Variants in IL17RD observed in about 807,000 individuals in gnomAD.
The protein encoded by IL17RD is interleukin 17 receptor D, also known as interleukin-17 receptor D.
Under a neutral mutation model 80.5 loss-of-function variants are expected in IL17RD, and 52 were observed. That is an observed-to-expected ratio of 0.65 (90% CI 0.52 to 0.81). IL17RD has a LOEUF of 0.81. Among genes scored for constraint, IL17RD ranks in the 40% least tolerant of loss-of-function variants. The probability of loss-of-function intolerance (pLI) is 0.00; values close to 1 mark genes in which losing one functional copy is unlikely to be tolerated. For synonymous variants in IL17RD, 416 were observed against 391.8 expected (o/e 1.06, Z -0.73); for missense variants, 1,024 against 955.1 (o/e 1.07, Z -0.95).
Position 57,097,584 on chromosome 3 carries a change from A to C in IL17RD, c.2107+12T>G, listed in dbSNP as rs376606429. On this transcript the variant is annotated intron_variant, in intron 12 of 12. Coordinates refer to ENST00000296318, the MANE Select transcript of IL17RD (RefSeq NM_017563.5). ...TGCGGCCTGTTAGGACCCGGCCCCA[A>C]AGGCACCTTACCCAGGCCTGAAGAG... The C allele has an allele frequency of 1.3e-6, 2 of 1,561,088 alleles. No homozygotes were observed. Among genetic ancestry groups the C allele is most frequent in the Non-Finnish European group, 8.7e-7 (1 of 1,152,162 alleles).
intron 1 of IL17RD, among the ~76,000 whole-genome samples, chr3:57,145,817 T>A (rs1707913200): frequency 6.6e-6 from 1 of 152,226 alleles, no homozygotes; most frequent in Non-Finnish European, 1.5e-5. Context: ...ATGGGTCACC[T>A]GCCCTGTCCA....
Position 57,102,553 on chromosome 3 carries a change from G to A in IL17RD, c.905C>T (p.Ala302Val). The part of the protein sequence containing the change: ...SPWAGPIRAV[A>V]ITVPLVVISA... ...TATGACTACCAGTGGCACTGTGATG[G>A]CCACGGCTCTGATGGGCCCGGCCCA... The change falls in exon 10 of 13, where the codon GCC (alanine) becomes GTC (valine). Residue 302 changes from alanine to valine, a missense_variant. Physicochemically the swap from Ala to Val is moderately conservative, Grantham distance 64 (BLOSUM62 0). Transcript: ENST00000296318. 6.3e-7 allele frequency: 1 copy of A among 1,584,510 alleles called. No individual in the cohort carries two copies.
rs1019449636 is a variant in IL17RD at position 57,094,062 on chromosome 3, C to G, written c.*2331G>C. On this transcript the variant is annotated 3_prime_UTR_variant, in exon 13 of 13. Coordinates refer to ENST00000296318, the MANE Select transcript of IL17RD (RefSeq NM_017563.5). ...TTCTTGTTTCCATAATATCTAAAAG[C>G]CTGTGACTTGGCAGAACGTTTTTCT... 3 of 152,168 alleles carry G rather than the reference C, an allele frequency of 2.0e-5. No individual in the cohort carries two copies. Among genetic ancestry groups the G allele is most frequent in the Non-Finnish European group, 4.4e-5 (3 of 68,030 alleles). The allele number at this position is 152,168 out of a possible 1,614,324, so 9.4% of individuals were successfully genotyped here.
chr3:57,098,510 C>A lies in IL17RD; in HGVS notation c.1193G>T (p.Ser398Ile), dbSNP rs768727227. 11 of 1,608,724 alleles carry A rather than the reference C, an allele frequency of 6.8e-6. No individual in the cohort carries two copies. In the South Asian group the frequency reaches 1.2e-4, roughly 18 times the overall value. ...EVALDLWEDF[S>I]LCREGQREWV... The stretch of plus-strand genomic sequence containing the variant: ...TTCTCTCTGCCCTTCTCTACAGAGG[C>A]TGAAGTCTTCCCACAGGTCCAGAGC... The change falls in exon 12 of 13, where the codon AGC becomes ATC. Residue 398 changes from serine (S) to isoleucine (I), a missense_variant. By Grantham distance (142) the Ser-to-Ile change is moderately radical. Coordinates refer to ENST00000296318, the MANE Select transcript of IL17RD (RefSeq NM_017563.5).
At chr3:57,143,648 C>A (rs1444189469) in intron 1 of IL17RD, among the ~76,000 whole-genome samples, 1 of 152,222 alleles carries the variant, frequency 6.6e-6, no homozygotes, top group Non-Finnish European at 1.5e-5. Flanking sequence ...TAATGCAAAG[C>A]CCTCAATGTG....
intron 1 of IL17RD, among the ~76,000 whole-genome samples, chr3:57,148,408 A>G (rs892048805): frequency 6.6e-6 from 1 of 152,148 alleles, no homozygotes; most frequent in African/African-American, 2.4e-5. Context: ...CTTTCAAGTC[A>G]GTCCTATTTT....
At chr3:57,162,362 G>T (rs1405096407) in intron 1 of IL17RD, among the ~76,000 whole-genome samples, 2 of 152,120 alleles carry the variant, frequency 1.3e-5, no homozygotes, top group African/African-American at 4.8e-5. Flanking sequence ...ACATATAGTC[G>T]ACCCTTATCC....
At chr3:57,149,737 T>C (rs1396384894) in intron 1 of IL17RD, among the ~76,000 whole-genome samples, 4 of 152,208 alleles carry the variant, frequency 2.6e-5, no homozygotes, top group East Asian at 1.9e-4. Context: ...TTCTGTTGGA[T>C]AGCACTGGGC....
intron 1 of IL17RD, among the ~76,000 whole-genome samples, chr3:57,156,885 C>T (rs2060270692): frequency 6.6e-6 from 1 of 152,198 alleles, no homozygotes; most frequent in African/African-American, 2.4e-5. Flanking sequence ...TGCTCAAAGT[C>T]CCTTTGGTAA....
At chr3:57,136,141 G>T (rs534509847) in intron 1 of IL17RD, among the ~76,000 whole-genome samples, 1 of 152,268 alleles carries the variant, frequency 6.6e-6, no homozygotes, top group East Asian at 1.9e-4. Context: ...CCTCTCTCCA[G>T]CACAACAATC....
At chr3:57,101,039 T>C in intron 11 of IL17RD, 140 bp downstream of exon 11, 1 of 627,358 alleles carries the variant, frequency 1.6e-6, no homozygotes, top group Non-Finnish European at 2.8e-6. Context: ...AGTGCGAGAC[T>C]ATCCCCAGTT....
intron 1 of IL17RD, among the ~76,000 whole-genome samples, chr3:57,157,363 C>G (rs2060275077): frequency 6.6e-6 from 1 of 151,986 alleles, no homozygotes; most frequent in African/African-American, 2.4e-5. Flanking sequence ...GAATCTCTTC[C>G]TGAATTTCCC....
At chr3:57,169,546 A>T (rs1318855260), upstream of IL17RD, among the ~76,000 whole-genome samples, 2 of 152,218 alleles carry the variant, frequency 1.3e-5, no homozygotes, top group East Asian at 1.9e-4. Context: ...GTGAAACATA[A>T]AAAAAGATAA....
At chr3:57,152,826 G>T in intron 1 of IL17RD, among the ~76,000 whole-genome samples, 1 of 152,160 alleles carries the variant, frequency 6.6e-6, no homozygotes, top group East Asian at 1.9e-4. Context: ...TGACTTGGAG[G>T]ATACGTTTTT....
upstream of IL17RD, chr3:57,165,358 G>C (rs1394115690): frequency 3.4e-6 from 4 of 1,188,830 alleles, no homozygotes; most frequent in East Asian, 7.5e-5. Context: ...CCGAGTGGGC[G>C]GTGGCCGCGG....
Position 57,098,014 on chromosome 3 carries a change from C to A in IL17RD, c.1689G>T (p.Gln563His). Reference sequence around the variant, plus strand: ...GTGGAGGAGGATGGAAGGGAACGAACTGCTTTTCGAACCAGTCGGGCTCCT... The same window carrying A: ...GTGGAGGAGGATGGAAGGGAACGAAATGCTTTTCGAACCAGTCGGGCTCCT... ...IDEEPDWFEK[Q>H]FVPFHPPPLR... is the part of the protein sequence containing the mutation. The change falls in exon 12 of 13, where the codon CAG becomes CAT. Residue 563 changes from glutamine to histidine, a missense_variant. Coordinates refer to ENST00000296318, the MANE Select transcript of IL17RD (RefSeq NM_017563.5). The A allele has an allele frequency of 1.2e-6, 2 of 1,614,050 alleles. No homozygotes were observed. Among genetic ancestry groups the A allele is most frequent in the African/African-American group, 1.3e-5 (1 of 75,068 alleles).
Position 57,097,845 on chromosome 3 carries a change from G to T in IL17RD, c.1858C>A (p.His620Asn). Reference sequence around the variant, plus strand: ...TCCAGGCCCCCATGCTGACTCTCGTGCTGGGAGTCGGCTGGTCCGGTTGCC... The same window carrying T: ...TCCAGGCCCCCATGCTGACTCTCGTTCTGGGAGTCGGCTGGTCCGGTTGCC... Reference protein sequence around the residue: ...LGATGPADSQHESQHGGLDQD... With the variant: ...LGATGPADSQNESQHGGLDQD... Residue 620 changes from histidine (H) to asparagine (N), a missense_variant, in exon 12 of 13, where the codon CAC becomes AAC. His to Asn is a moderately conservative substitution (Grantham distance 68). Transcript: ENST00000296318. The T allele has an allele frequency of 2.5e-6, 4 of 1,613,004 alleles. No homozygotes were observed. The highest frequency in any genetic ancestry group is 2.5e-6 in the Non-Finnish European group (3 of 1,179,490).
At chr3:57,159,905 C>T (rs940307234) in intron 1 of IL17RD, among the ~76,000 whole-genome samples, 9 of 152,330 alleles carry the variant, frequency 5.9e-5, no homozygotes, top group African/African-American at 2.2e-4. Flanking sequence ...GGCACGGTGG[C>T]TCACGCCTGT....
chr3:57,115,101 G>C (rs1707187560), intron 2 of IL17RD, among the ~76,000 whole-genome samples: 1 of 152,156 alleles, frequency 6.6e-6, no homozygotes, highest in African/African-American at 2.4e-5. Context: ...GAGTTTGTGT[G>C]TGTACCTGGC....
Sources: gnomAD v4.1 joint callset for allele counts (sites outside exome capture counted in the v4.1 genomes callset) on GRCh38, gnomAD v4.1.1 for gene constraint, MANE v1.5 for transcripts, NCBI Gene and HGNC (gene_info 2026-07-23, HGNC 2026-07-21) for gene names.